Variants in CTNNA3 observed in about 807,000 individuals in gnomAD.
CTNNA3 encodes the protein catenin alpha 3.
CTNNA3 carries 76 observed loss-of-function variants against 95.7 expected under a neutral mutation model. The ratio of observed to expected loss-of-function variants is 0.79; its 90% confidence interval spans 0.66 to 0.96. CTNNA3 has a LOEUF of 0.96. CTNNA3 is among the 40% of genes least tolerant of loss of function. CTNNA3 has a pLI of 0.00. For synonymous variants in CTNNA3, 431 were observed against 374.4 expected (o/e 1.15, Z -1.74); for missense variants, 1,191 against 1,089.8 (o/e 1.09, Z -1.31).
intron 13 of CTNNA3, among the ~76,000 whole-genome samples, chr10:66,263,691 A>G (rs1030111452): frequency 1.3e-5 from 2 of 151,992 alleles, no homozygotes; most frequent in Admixed American, 1.3e-4. Context: ...TGGTCCTCAC[A>G]GGCTGGCAGT....
intron 7 of CTNNA3, among the ~76,000 whole-genome samples, chr10:67,113,433 T>C (rs1226236259): frequency 6.6e-6 from 1 of 152,152 alleles, no homozygotes; most frequent in Non-Finnish European, 1.5e-5. Flanking sequence ...GCCACTCTTC[T>C]CATATGCTGT....
At chr10:66,164,532 T>A (rs75882778) in intron 13 of CTNNA3, among the ~76,000 whole-genome samples, 23 of 151,950 alleles carry the variant, frequency 1.5e-4, no homozygotes, top group Non-Finnish European at 2.8e-4. Flanking sequence ...TTTTTTTTTT[T>A]AGATGTTTCC....
chr10:66,401,060 T>C (rs1003888131), intron 11 of CTNNA3, among the ~76,000 whole-genome samples: 10 of 152,150 alleles, frequency 6.6e-5, no homozygotes, highest in African/African-American at 2.4e-4. Flanking sequence ...ATAAATTATG[T>C]GGCCTTATTG....
intron 3 of CTNNA3, among the ~76,000 whole-genome samples, chr10:67,570,229 C>G (rs967187864): frequency 1.3e-5 from 2 of 152,004 alleles, no homozygotes; most frequent in East Asian, 3.9e-4. Flanking sequence ...TCTTCTATTA[C>G]TTCCCCACAT....
At chr10:66,493,718 G>A (rs1221162514) in intron 11 of CTNNA3, among the ~76,000 whole-genome samples, 1 of 147,558 alleles carries the variant, frequency 6.8e-6, no homozygotes, top group Non-Finnish European at 1.5e-5. Context: ...CCATTCTCCC[G>A]CCTCAGCCTC....
In CTNNA3 at chr10:66,326,149, T is replaced by C. The variant is rs985196661; in HGVS notation, c.1733-45528A>G. Among the ~76,000 whole-genome samples, 8 of 152,214 alleles carry C rather than the reference T, an allele frequency of 5.3e-5. No homozygotes were observed. In the South Asian group the frequency reaches 1.7e-3, roughly 32 times the overall value. ...TAATACTTGGGTGTAAATGACTACA[T>C]TGGATTACAAGATACTTTACCACAC... is the stretch of plus-strand genomic sequence containing the variant. On this transcript the variant is annotated intron_variant, in intron 12 of 17. Coordinates refer to ENST00000433211, the MANE Select transcript of CTNNA3 (RefSeq NM_013266.4).
At chr10:67,464,367 T>C (rs1564667925) in intron 5 of CTNNA3, among the ~76,000 whole-genome samples, 2 of 152,224 alleles carry the variant, frequency 1.3e-5, no homozygotes, top group Admixed American at 1.3e-4. Flanking sequence ...CCTTGATCCC[T>C]TTAGATCCCA....
chr10:67,667,175 CTGT>C (rs1336354399), intron 1 of CTNNA3, among the ~76,000 whole-genome samples: 3 of 152,084 alleles, frequency 2.0e-5, no homozygotes, highest in Admixed American at 6.6e-5. Context: ...GATATACTTC[CTGT>C]TATTACAGCA....
At chr10:65,997,195 C>T (rs373759292) in intron 15 of CTNNA3, among the ~76,000 whole-genome samples, 181 of 152,208 alleles carry the variant, frequency 1.2e-3, no homozygotes, top group African/African-American at 3.8e-3. Flanking sequence ...CAAGACTTAC[C>T]TAAGTAAATC....
intron 7 of CTNNA3, among the ~76,000 whole-genome samples, chr10:66,873,549 T>A (rs1350423818): frequency 6.6e-6 from 1 of 152,074 alleles, no homozygotes; most frequent in East Asian, 1.9e-4. Flanking sequence ...CCTCTGTCCA[T>A]TTTTTAATGG....
chr10:67,751,159 A>G (rs1841404912), intron 1 of CTNNA3: 13 of 1,294,600 alleles, frequency 1.0e-5, no homozygotes, highest in Non-Finnish European at 1.3e-5. Context: ...CTCAGCTTCA[A>G]CAGAAACTGG....
At chr10:67,726,616 A>AATATTATATTACATATTATATAATATG (rs1564841346) in intron 1 of CTNNA3, among the ~76,000 whole-genome samples, 71 of 19,028 alleles carry the variant, frequency 3.7e-3, no homozygotes, top group East Asian at 0.017. Context: ...TATATAATAT[A>AATATTATATTACATATTATATAATATG]TAATATATAT....
At chr10:67,003,598 G>A (rs946669433) in intron 7 of CTNNA3, among the ~76,000 whole-genome samples, 2 of 152,054 alleles carry the variant, frequency 1.3e-5, no homozygotes, top group African/African-American at 4.8e-5. Context: ...TTTAACTCAC[G>A]CAATTGCAAA....
chr10:66,328,404 C>G (rs2092282739), intron 12 of CTNNA3, among the ~76,000 whole-genome samples: 1 of 152,004 alleles, frequency 6.6e-6, no homozygotes, highest in Non-Finnish European at 1.5e-5. Context: ...GACACCTGAG[C>G]ATGCTGAAGG....
At chr10:66,106,876 C>T (rs757965828) in intron 13 of CTNNA3, among the ~76,000 whole-genome samples, 3 of 152,068 alleles carry the variant, frequency 2.0e-5, no homozygotes, top group Non-Finnish European at 4.4e-5. Flanking sequence ...TCTACACAGA[C>T]ATTATTTTGG....
In CTNNA3 at chr10:67,709,040, C is replaced by T. The variant is rs1004576311; in HGVS notation, c.-2+54394G>A. On this transcript the variant is annotated intron_variant, in intron 1 of 17. Coordinates refer to the CTNNA3 transcript ENST00000684154. Reference sequence around the variant, plus strand: ...GCATTTCATTATATAAATGATCAGGCATACTTGCACTGGAAAACAGTCACT... The same window carrying T: ...GCATTTCATTATATAAATGATCAGGTATACTTGCACTGGAAAACAGTCACT... 1.4e-4 allele frequency among the ~76,000 whole-genome samples: 22 copies of T among 151,974 alleles called. No homozygotes were observed. The East Asian group carries it at 2.7e-3, about 19-fold the overall frequency.
At chr10:67,749,906 G>A (rs1043312545) in intron 1 of CTNNA3, among the ~76,000 whole-genome samples, 8 of 152,118 alleles carry the variant, frequency 5.3e-5, no homozygotes, top group African/African-American at 1.9e-4. Context: ...TAATAAAATA[G>A]ATAGACCGTG....
intron 7 of CTNNA3, among the ~76,000 whole-genome samples, chr10:66,879,393 A>G (rs1352913375): frequency 1.3e-5 from 2 of 152,142 alleles, no homozygotes; most frequent in African/African-American, 4.8e-5. Flanking sequence ...AAAAGTATAA[A>G]TCCCATCATA....
At chr10:66,476,025 T>C (rs773890821) in intron 11 of CTNNA3, among the ~76,000 whole-genome samples, 2 of 152,096 alleles carry the variant, frequency 1.3e-5, no homozygotes, top group Non-Finnish European at 2.9e-5. Flanking sequence ...TGGAATACTA[T>C]GCAGCAATAC....
Sources: gnomAD v4.1 joint callset for allele counts (sites outside exome capture counted in the v4.1 genomes callset) on GRCh38, gnomAD v4.1.1 for gene constraint, MANE v1.5 for transcripts, NCBI Gene and HGNC (gene_info 2026-07-23, HGNC 2026-07-21) for gene names.